TOR1AIP2: variants seen among roughly 807,000 people sequenced by gnomAD.
TOR1AIP2 encodes torsin 1A interacting protein 2.
In TOR1AIP2, 20 loss-of-function variants were observed where a neutral mutation model predicts 32.6. That is an observed-to-expected ratio of 0.61 (90% CI 0.43 to 0.89). TOR1AIP2 has a LOEUF of 0.89. TOR1AIP2 is among the 40% of genes least tolerant of loss of function. The pLI is 0.00. For synonymous variants in TOR1AIP2, 214 were observed against 210.8 expected, an observed-to-expected ratio of 1.02 and a Z score of -0.13; for missense variants, 456 against 553.8, an observed-to-expected ratio of 0.82 and a Z score of 1.77.
rs139350064 is a variant in TOR1AIP2 at position 179,851,278 on chromosome 1, A to G, written c.120T>C (p.Ala40=). 1.9e-4 allele frequency: 306 copies of G among 1,610,262 alleles called. 1 individual carries two copies. The African/African-American group carries it at 3.5e-3, about 19-fold the overall frequency. The change falls in exon 5 of 7, where the codon GCT becomes GCC. Residue 40 remains alanine, a synonymous_variant. Transcript: ENST00000609928. ...GACCACAGGCAGAGTGTAGGATCTC[A>G]GCTTCTTCAGCATTACTTGCTATGA... is the stretch of plus-strand genomic sequence containing the variant. ...TTIIASNAEE[A]EILHSACGLS...
chr1:179,854,196 G>C (rs1365870253), intron 3 of TOR1AIP2, among the ~76,000 whole-genome samples: 1 of 152,104 alleles, frequency 6.6e-6, no homozygotes, highest in Non-Finnish European at 1.5e-5. Context: ...AATCCAACAA[G>C]AGATATGTAA....
At chr1:179,868,827 T>C (rs1340978475) in intron 2 of TOR1AIP2, 1 of 152,154 alleles carries the variant, frequency 6.6e-6, no homozygotes, top group Non-Finnish European at 1.5e-5. Flanking sequence ...CAAAAGGATA[T>C]AAAATTAATG....
At chr1:179,849,583 A>AT (rs957382350) in intron 5 of TOR1AIP2, among the ~76,000 whole-genome samples, 10 of 151,610 alleles carry the variant, frequency 6.6e-5, no homozygotes, top group South Asian at 2.1e-4. Flanking sequence ...CTAACAGTGA[A>AT]TTTTTTTTTA....
At chr1:179,863,571 G>A (rs1360779513) in intron 3 of TOR1AIP2, 2 of 983,848 alleles carry the variant, frequency 2.0e-6, no homozygotes, top group African/African-American at 1.8e-5. Context: ...GCTCACGCCT[G>A]TAATCCCAGC....
intron 2 of TOR1AIP2, among the ~76,000 whole-genome samples, chr1:179,866,934 C>A (rs1421716495): frequency 6.6e-6 from 1 of 152,002 alleles, no homozygotes; most frequent in Non-Finnish European, 1.5e-5. Context: ...TAGAGGGTAT[C>A]ACAGAATCAG....
Position 179,846,796 on chromosome 1 carries a change from C to G in TOR1AIP2, c.688G>C (p.Val230Leu), listed in dbSNP as rs1359430634. The change falls in exon 7 of 7, where the codon GTT becomes CTT. Residue 230 changes from valine (V) to leucine (L), a missense_variant. Physicochemically the swap from Val to Leu is conservative, Grantham distance 32 (BLOSUM62 1). Coordinates refer to ENST00000609928, the MANE Select transcript of TOR1AIP2 (RefSeq NM_001199260.2). ...TAGCTATTCACAGAACTTGCCACAA[C>G]AGCCACAACCAGGACGACAAGAATC... is the stretch of plus-strand genomic sequence containing the variant. ...PVILVVLVVA[V>L]VASSVNSYYS... 6.2e-7 allele frequency: 1 copy of G among 1,606,262 alleles called. No individual in the cohort carries two copies. The highest frequency in any genetic ancestry group is 8.5e-7 in the Non-Finnish European group (1 of 1,174,694).
Position 179,851,100 on chromosome 1 carries a change from CTT to C in TOR1AIP2, c.296_297del (p.Lys99ArgfsTer11). The C allele has an allele frequency of 1.2e-6, 2 of 1,614,206 alleles. No homozygotes were observed. Among genetic ancestry groups the C allele is most frequent in the Non-Finnish European group, 1.7e-6 (2 of 1,180,046 alleles). ...ENKQSFLDGG[K>X]GHHLPSENLG... is the part of the protein sequence containing the mutation. ...AGATTTTCTGAAGGGAGGTGATGCC[CTT>C]TTCCGCCATCCAGAAAACTCTGCTT... On this transcript the variant is annotated frameshift_variant, in exon 5 of 7. Coordinates refer to ENST00000609928, the MANE Select transcript of TOR1AIP2 (RefSeq NM_001199260.2). LOFTEE classifies it high-confidence loss of function.
At chr1:179,858,029 G>A (rs1464046104) in intron 3 of TOR1AIP2, among the ~76,000 whole-genome samples, 4 of 151,662 alleles carry the variant, frequency 2.6e-5, no homozygotes, top group South Asian at 2.1e-4. Flanking sequence ...GGTGTCACAC[G>A]CCTGTAATCC....
At chr1:179,858,804 T>C (rs1044745121) in intron 3 of TOR1AIP2, among the ~76,000 whole-genome samples, 1 of 151,918 alleles carries the variant, frequency 6.6e-6, no homozygotes, top group Non-Finnish European at 1.5e-5. Context: ...ATCCTGCAAA[T>C]TGCTAGCATT....
chr1:179,874,846 T>C (rs1322484003), intron 2 of TOR1AIP2: 1 of 152,222 alleles, frequency 6.6e-6, no homozygotes, highest in East Asian at 1.9e-4. Context: ...TCAAGTCCAA[T>C]CTACAAATAT....
At chr1:179,863,677 C>CAA (rs904854823) in intron 3 of TOR1AIP2, 19,975 of 835,994 alleles carry the variant, frequency 0.024, 7 homozygotes, top group Non-Finnish European at 0.025. Flanking sequence ...TTTTAAAAAG[C>CAA]AAAAAAAAAA....
At chr1:179,857,580 G>A (rs566663389) in intron 3 of TOR1AIP2, among the ~76,000 whole-genome samples, 5 of 152,118 alleles carry the variant, frequency 3.3e-5, no homozygotes, top group African/African-American at 4.8e-5. Context: ...TCATCTCACC[G>A]TAAAATGGTA....
chr1:179,864,060 C>T lies in TOR1AIP2; in HGVS notation c.-147+1376G>A, dbSNP rs747076300. 7.7e-5 allele frequency: 76 copies of T among 985,402 alleles called. No individual in the cohort carries two copies. In the Middle Eastern group the frequency reaches 3.1e-3, roughly 41 times the overall value. The allele number at this position is 985,402 out of a possible 1,614,324, so 61.0% of individuals were successfully genotyped here. On this transcript the variant is annotated intron_variant, in intron 3 of 6. Coordinates refer to ENST00000609928, the MANE Select transcript of TOR1AIP2 (RefSeq NM_001199260.2). ...GAGGACGTTGTAAATTCAGTCACCA[C>T]AAAGACAAGACAGTCTTTTGTTTAT...
At chr1:179,872,151 G>GA (rs1332507027) in intron 2 of TOR1AIP2, among the ~76,000 whole-genome samples, 9 of 152,182 alleles carry the variant, frequency 5.9e-5, no homozygotes, top group African/African-American at 2.2e-4. Flanking sequence ...ACTGACAAAC[G>GA]AAACAGGTGT....
chr1:179,871,779 G>T (rs1382989730), intron 2 of TOR1AIP2, among the ~76,000 whole-genome samples: 1 of 152,038 alleles, frequency 6.6e-6, no homozygotes, highest in Non-Finnish European at 1.5e-5. Context: ...GTATGAGATG[G>T]TTTCTCCAAT....
chr1:179,873,857 AG>A (rs1221671000), intron 2 of TOR1AIP2: 1 of 152,234 alleles, frequency 6.6e-6, no homozygotes, highest in Non-Finnish European at 1.5e-5. Context: ...CCTGGATACC[AG>A]GAACTCCTTC....
chr1:179,876,746 T>C (rs1647344442), intron 2 of TOR1AIP2, among the ~76,000 whole-genome samples: 1 of 152,134 alleles, frequency 6.6e-6, no homozygotes, highest in South Asian at 2.1e-4. Context: ...TAAAGACAGG[T>C]AAAACAAAGC....
At position 179,845,317 on chromosome 1, in the gene TOR1AIP2, A is replaced by C. The variant is rs1414864001; in HGVS notation, c.*754T>G. On this transcript the variant is annotated 3_prime_UTR_variant, in exon 7 of 7. Transcript: ENST00000609928. ...AGGGTGCCAGTAGACACAGTTTGAA[A>C]ATCAATGCTGTAAATTGTTCAAGAA... 1 of 152,224 alleles carries C rather than the reference A, an allele frequency of 6.6e-6. No individual in the cohort carries two copies. Among genetic ancestry groups the C allele is most frequent in the Non-Finnish European group, 1.5e-5 (1 of 68,028 alleles). The allele number at this position is 152,224 out of a possible 1,614,324, so 9.4% of individuals were successfully genotyped here. A position where few individuals can be genotyped will look rare whatever the true frequency, so the allele number is the denominator to read the frequency against.
rs796529061 is a variant in TOR1AIP2 at position 179,841,551 on chromosome 1, G to C, written c.*4520C>G. ...CATCCCCTTGAGGCCAGGAGGTCCA[G>C]GCTGCAGTGAGCTGTGATTGTGCCA... On this transcript the variant is annotated 3_prime_UTR_variant, in exon 7 of 7. Coordinates refer to ENST00000609928, the MANE Select transcript of TOR1AIP2 (RefSeq NM_001199260.2). The C allele has an allele frequency of 1.3e-5, 2 of 152,216 alleles. No individual in the cohort carries two copies. The highest frequency in any genetic ancestry group is 4.1e-4 in the South Asian group (2 of 4,836). The allele number at this position is 152,216 out of a possible 1,614,324, so 9.4% of individuals were successfully genotyped here. A position where few individuals can be genotyped will look rare whatever the true frequency, so the allele number is the denominator to read the frequency against.
Sources: allele counts gnomAD v4.1 joint callset (sites outside exome capture counted in the v4.1 genomes callset), GRCh38; gene constraint gnomAD v4.1.1; transcripts MANE v1.5; gene names NCBI Gene and HGNC (gene_info 2026-07-23, HGNC 2026-07-21).